Variants in XPR1 observed in about 807,000 individuals in gnomAD.
XPR1 encodes the protein solute carrier family 53 member 1.
In XPR1, 28 loss-of-function variants were observed where a neutral mutation model predicts 87.5. The observed-to-expected ratio is 0.32, with a 90% confidence interval of 0.24 to 0.44. The LOEUF (loss-of-function observed/expected upper bound fraction) is 0.44, where lower values mean the gene tolerates loss of function less well. Ranked by LOEUF, XPR1 falls within the 20% of genes least tolerant of loss-of-function variation. The pLI is 1.00. For missense variants in XPR1, 559 were observed against 862.3 expected (o/e 0.65, Z 4.41); for synonymous variants, 300 against 306.1 (o/e 0.98, Z 0.21).
intron 13 of XPR1, 35 bp downstream of exon 13, chr1:180,873,977 T>G (rs765291819): frequency 6.3e-6 from 10 of 1,589,594 alleles, no homozygotes; most frequent in Admixed American, 1.8e-5. Flanking sequence ...TTAAAGATTC[T>G]TTTTAACCTA....
intron 13 of XPR1, among the ~76,000 whole-genome samples, chr1:180,875,716 G>A (rs1021094325): frequency 4.6e-5 from 7 of 151,774 alleles, no homozygotes; most frequent in Admixed American, 6.6e-5. Context: ...TATAAAGAAC[G>A]TAAATTAATG....
At chr1:180,817,238 T>G (rs965165284) in intron 7 of XPR1, among the ~76,000 whole-genome samples, 15 of 152,194 alleles carry the variant, frequency 9.9e-5, no homozygotes, top group African/African-American at 3.6e-4. Flanking sequence ...TTTAAAAATT[T>G]TTTAAGTTTA....
At chr1:180,736,826 G>A (rs1362435308) in intron 2 of XPR1, among the ~76,000 whole-genome samples, 1 of 152,096 alleles carries the variant, frequency 6.6e-6, no homozygotes, top group East Asian at 1.9e-4. Context: ...TCAACAGTGA[G>A]CAGGTATACG....
In XPR1 at chr1:180,659,193, TCTTCCTTCCTTCCTTCCTTCCTTCCTTC is replaced by T. The variant is rs550840483; in HGVS notation, c.70-23136_70-23109del. 2.2e-3 allele frequency among the ~76,000 whole-genome samples: 176 copies of T among 79,838 alleles called. 2 individuals carry two copies. Among genetic ancestry groups the T allele is most frequent in the Middle Eastern group, 0.01 (1 of 100 alleles). 52.4% of individuals were successfully genotyped at this position (79,838 alleles called of 152,430 possible). ...ACTAGGGATATTGGCCTGTAGTCAGTCTTCCTTCCTTCCTTCCTTCCTTCCTTCCTTCCTTCCTTCCTTCCTTCCTTCC... is the reference window on the plus strand; with the variant it reads ...ACTAGGGATATTGGCCTGTAGTCAGTCTTCCTTCCTTCCTTCCTTCCTTCC... On this transcript the variant is annotated intron_variant, in intron 1 of 14. Transcript: ENST00000367590.
intron 2 of XPR1, among the ~76,000 whole-genome samples, chr1:180,706,336 T>G (rs1657556823): frequency 6.6e-6 from 1 of 152,192 alleles, no homozygotes; most frequent in African/African-American, 2.4e-5. Context: ...CCCATTGAGT[T>G]TCCGGCTCTA....
intron 2 of XPR1, among the ~76,000 whole-genome samples, chr1:180,724,864 G>A (rs1658283840): frequency 6.6e-6 from 1 of 151,966 alleles, no homozygotes; most frequent in Admixed American, 6.6e-5. Context: ...ATACATCATT[G>A]GTAACAGAAA....
At chr1:180,724,320 A>T (rs781010714) in intron 2 of XPR1, among the ~76,000 whole-genome samples, 4 of 152,228 alleles carry the variant, frequency 2.6e-5, no homozygotes, top group Non-Finnish European at 5.9e-5. Flanking sequence ...GGCCGATGCT[A>T]TTTATAGCAG....
At chr1:180,774,561 TTTTG>T (rs978035944) in intron 2 of XPR1, among the ~76,000 whole-genome samples, 7 of 151,854 alleles carry the variant, frequency 4.6e-5, no homozygotes, top group African/African-American at 1.2e-4. Context: ...CAGCTAATTT[TTTTG>T]TTTGTTTGTT....
intron 2 of XPR1, among the ~76,000 whole-genome samples, chr1:180,694,468 A>G (rs573713911): frequency 4.9e-4 from 74 of 152,284 alleles, no homozygotes; most frequent in Middle Eastern, 3.4e-3. Flanking sequence ...TTGAGTGTAT[A>G]AAATATAGTA....
At chr1:180,873,145 A>G (rs1465283744) in intron 12 of XPR1, among the ~76,000 whole-genome samples, 1 of 152,196 alleles carries the variant, frequency 6.6e-6, no homozygotes, top group African/African-American at 2.4e-5. Context: ...TCTATGAATT[A>G]TATAGTTCTG....
At position 180,717,273 on chromosome 1, in the gene XPR1, A is replaced by G. The variant is rs1446092084; in HGVS notation, c.121+34862A>G. On this transcript the variant is annotated intron_variant, in intron 2 of 14. Coordinates refer to ENST00000367590, the MANE Select transcript of XPR1 (RefSeq NM_004736.4). ...CTCCCAAAGTGCTGGGATTACAGGC[A>G]TGAGCCACTGTGCCTAGCCCTAATT... Among the ~76,000 whole-genome samples, 3 of 152,208 alleles carry G rather than the reference A, an allele frequency of 2.0e-5. No homozygotes were observed. In the East Asian group the frequency reaches 5.8e-4, roughly 29 times the overall value.
chr1:180,830,361 A>T (rs1180234154), intron 9 of XPR1, among the ~76,000 whole-genome samples: 1 of 152,182 alleles, frequency 6.6e-6, no homozygotes, highest in Non-Finnish European at 1.5e-5. Context: ...TATCAGCACC[A>T]GAAAATAATG....
intron 7 of XPR1, among the ~76,000 whole-genome samples, chr1:180,811,840 C>T (rs1215491482): frequency 1.3e-5 from 2 of 152,130 alleles, no homozygotes; most frequent in Non-Finnish European, 2.9e-5. Context: ...AAAACTCATT[C>T]ACAAAGCTCT....
chr1:180,759,685 T>C (rs945307948), intron 2 of XPR1, among the ~76,000 whole-genome samples: 6 of 152,122 alleles, frequency 3.9e-5, no homozygotes, highest in African/African-American at 1.4e-4. Context: ...CTACCAGAGG[T>C]ACAAGGAGGA....
rs1204066211 is a variant in XPR1, at chr1:180,824,312, G to T, written c.764-441G>T. ...AATAATCTAGGTTTGGCCAGGCGGG[G>T]TGGTTCATGCCTGTAATCCCAACAC... On this transcript the variant is annotated intron_variant, in intron 7 of 14. Coordinates refer to ENST00000367590, the MANE Select transcript of XPR1 (RefSeq NM_004736.4). Among the ~76,000 whole-genome samples, 8 of 152,332 alleles carry T rather than the reference G, an allele frequency of 5.3e-5. No individual in the cohort carries two copies. The South Asian group carries it at 1.7e-3, about 32-fold the overall frequency.
At chr1:180,876,317 C>T (rs1387044734) in intron 13 of XPR1, among the ~76,000 whole-genome samples, 1 of 152,104 alleles carries the variant, frequency 6.6e-6, no homozygotes, top group Non-Finnish European at 1.5e-5. Context: ...TAGGTTCGTT[C>T]TAGGAATGTA....
intron 2 of XPR1, among the ~76,000 whole-genome samples, chr1:180,683,729 T>C (rs1001462647): frequency 1.1e-4 from 16 of 152,106 alleles, no homozygotes; most frequent in African/African-American, 3.9e-4. Flanking sequence ...ATGATGAGCA[T>C]TTTTTCATGT....
chr1:180,864,299 G>C (rs866550861), intron 12 of XPR1, among the ~76,000 whole-genome samples: 49 of 152,050 alleles, frequency 3.2e-4, no homozygotes, highest in African/African-American at 1.2e-3. Flanking sequence ...CTTTCTCCAA[G>C]AAGCCTTTCT....
At chr1:180,877,581 G>A (rs1167863035) in intron 13 of XPR1, among the ~76,000 whole-genome samples, 1 of 152,200 alleles carries the variant, frequency 6.6e-6, no homozygotes, top group African/African-American at 2.4e-5. Flanking sequence ...CTCTCTGGAA[G>A]TTAACATAGG....
Sources: allele counts gnomAD v4.1 joint callset (sites outside exome capture counted in the v4.1 genomes callset), GRCh38; gene constraint gnomAD v4.1.1; transcripts MANE v1.5; gene names NCBI Gene and HGNC (gene_info 2026-07-23, HGNC 2026-07-21).